SNRNP25: variants seen among roughly 807,000 people sequenced by gnomAD.
The protein encoded by SNRNP25 is small nuclear ribonucleoprotein U11/U12 subunit 25.
SNRNP25 carries 21 observed loss-of-function variants against 23.9 expected under a neutral mutation model. That is an observed-to-expected ratio of 0.88 (90% CI 0.62 to 1.27). SNRNP25 has a LOEUF of 1.27. Among genes scored for constraint, SNRNP25 ranks in the 50% most tolerant of loss-of-function variants. SNRNP25 has a pLI of 0.00. For missense variants in SNRNP25, 160 were observed against 156.9 expected (o/e 1.02, Z -0.11); for synonymous variants, 63 against 60.4 (o/e 1.04, Z -0.20).
At position 55,808 on chromosome 16, in the gene SNRNP25, G is replaced by A. The variant is rs562923889; in HGVS notation, c.165G>A (p.Leu55=). The part of the protein sequence containing the change: ...PVVVVQSATV[L]DLKKAIQRYV... ...TTGTAGTGCAGAGTGCCACAGTCCT[G>A]GACCTGAAGAAGGCCATCCAGAGAT... Residue 55 remains leucine, a synonymous_variant, in exon 3 of 5, where the codon CTG becomes CTA. Transcript: ENST00000293861. 17 of 1,614,192 alleles carry A rather than the reference G, an allele frequency of 1.1e-5. No homozygotes were observed. In the East Asian group the frequency reaches 3.1e-4, roughly 30 times the overall value.
In SNRNP25 at chr16:55,487, T is replaced by C. The variant is rs1024654436; in HGVS notation, c.71T>C (p.Ile24Thr). Residue 24 changes from isoleucine to threonine, a missense_variant, in exon 2 of 5, where the codon ATA becomes ACA. Physicochemically the swap from Ile to Thr is moderately conservative, Grantham distance 89 (BLOSUM62 -1). Coordinates refer to ENST00000293861, the MANE Select transcript of SNRNP25 (RefSeq NM_024571.4). Reference sequence around the variant, plus strand: ...ACTCTGGAAGAAGTCAACTCCCAAATAGCCCTAGAATACGGCCAGGCAATG... The same window carrying C: ...ACTCTGGAAGAAGTCAACTCCCAAACAGCCCTAGAATACGGCCAGGCAATG... ...QVTLEEVNSQ[I>T]ALEYGQAMTV... The C allele has an allele frequency of 1.2e-5, 20 of 1,614,208 alleles. No individual in the cohort carries two copies. The highest frequency in any genetic ancestry group is 1.7e-5 in the Admixed American group (1 of 60,018).
intron 3 of SNRNP25, 134 bp from the exon 4 acceptor site, chr16:56,405 G>C: frequency 1.2e-6 from 1 of 833,878 alleles, no homozygotes; most frequent in Non-Finnish European, 2.1e-6. Context: ...TCTGCACATT[G>C]TACAGAACAG....
intron 4 of SNRNP25, among the ~76,000 whole-genome samples, 195 bp from the exon 5 acceptor site, chr16:56,891 G>A (rs1271146182): frequency 6.6e-6 from 1 of 152,206 alleles, no homozygotes; most frequent in African/African-American, 2.4e-5. Flanking sequence ...CTGACACTCA[G>A]TTCCCTGCCC....
At chr16:55,312 G>A in intron 1 of SNRNP25, 147 bp from the exon 2 acceptor site, 1 of 669,722 alleles carries the variant, frequency 1.5e-6, no homozygotes, top group Non-Finnish European at 2.7e-6. Context: ...CTGATGAATT[G>A]GGAAACCATA....
In SNRNP25 at chr16:55,479, C is replaced by G. The variant is rs772321923; in HGVS notation, c.63C>G (p.Asn21Lys). Residue 21 changes from asparagine (N) to lysine (K), a missense_variant, in exon 2 of 5, where the codon AAC becomes AAG. Transcript: ENST00000293861. The part of the protein sequence containing the change: ...LPIQVTLEEV[N>K]SQIALEYGQA... Reference sequence around the variant, plus strand: ...TGTAGGTTACTCTGGAAGAAGTCAACTCCCAAATAGCCCTAGAATACGGCC... The same window carrying G: ...TGTAGGTTACTCTGGAAGAAGTCAAGTCCCAAATAGCCCTAGAATACGGCC... 7 of 1,614,168 alleles carry G rather than the reference C, an allele frequency of 4.3e-6. No homozygotes were observed. The highest frequency in any genetic ancestry group is 5.9e-6 in the Non-Finnish European group (7 of 1,180,024).
At chr16:56,153 G>A in intron 3 of SNRNP25, 1 of 621,800 alleles carries the variant, frequency 1.6e-6, no homozygotes, top group South Asian at 1.7e-5. Flanking sequence ...TTCACTTGGG[G>A]ACACTGTCGG....
intron 3 of SNRNP25, 123 bp downstream of exon 3, chr16:56,005 G>A: frequency 1.2e-6 from 1 of 861,368 alleles, no homozygotes. Flanking sequence ...CCACTGAAGT[G>A]ATGAGCTCCC....
At position 55,536 on chromosome 16, in the gene SNRNP25, T is replaced by G; in HGVS notation, c.120T>G (p.Asp40Glu). Residue 40 changes from aspartate (D) to glutamate (E), a missense_variant, in exon 2 of 5, where the codon GAT becomes GAG. Asp to Glu is a conservative substitution (Grantham distance 45). Coordinates refer to ENST00000293861, the MANE Select transcript of SNRNP25 (RefSeq NM_024571.4). Reference sequence around the variant, plus strand: ...TGACGGTCCGAGTGTGCAAGATGGATGGAGAAGTAATGCGTAAGTGCTACC... The same window carrying G: ...TGACGGTCCGAGTGTGCAAGATGGAGGGAGAAGTAATGCGTAAGTGCTACC... Reference protein sequence around the residue: ...QAMTVRVCKMDGEVMPVVVVQ... With the variant: ...QAMTVRVCKMEGEVMPVVVVQ... The G allele has an allele frequency of 6.2e-7, 1 of 1,614,140 alleles. No individual in the cohort carries two copies. Among genetic ancestry groups the G allele is most frequent in the Non-Finnish European group, 8.5e-7 (1 of 1,180,032 alleles).
chr16:55,932 C>CAAGAAGGGCACTAG, intron 3 of SNRNP25, 50 bp downstream of exon 3: 2 of 1,531,410 alleles, frequency 1.3e-6, no homozygotes, highest in Non-Finnish European at 1.8e-6. Context: ...GGGCTAGTGC[C>CAAGAAGGGCACTAG]CTTCTTGGCA....
intron 3 of SNRNP25, 198 bp from the exon 4 acceptor site, chr16:56,341 C>A (rs368527463): frequency 4.2e-6 from 3 of 718,726 alleles, no homozygotes; most frequent in African/African-American, 3.5e-5. Flanking sequence ...TTGGCCAAGC[C>A]GCCCCAGACA....
At chr16:55,651 C>T (rs1897397254) in intron 2 of SNRNP25, 102 bp downstream of exon 2, 3 of 1,544,498 alleles carry the variant, frequency 1.9e-6, no homozygotes, top group Non-Finnish European at 2.7e-6. Context: ...CAGGCCATGC[C>T]CAGGGGTACT....
chr16:54,163 C>A, intron 1 of SNRNP25, 105 bp downstream of exon 1: 1 of 1,272,078 alleles, frequency 7.9e-7, no homozygotes, highest in African/African-American at 1.5e-5. Context: ...CGGCCCAAGG[C>A]TGAGGAAGGC....
chr16:55,674 A>T, intron 2 of SNRNP25, 103 bp from the exon 3 acceptor site: 1 of 1,538,944 alleles, frequency 6.5e-7, no homozygotes, highest in Non-Finnish European at 8.9e-7. Context: ...GGCAACCACA[A>T]ACCTGCCCTG....
chr16:56,220 G>C, intron 3 of SNRNP25: 1 of 680,600 alleles, frequency 1.5e-6, no homozygotes, highest in South Asian at 1.5e-5. Context: ...CACCTGTAGG[G>C]GCTCCCATCC....
chr16:55,945 G>A, intron 3 of SNRNP25, 63 bp downstream of exon 3: 1 of 1,447,974 alleles, frequency 6.9e-7, no homozygotes, highest in Non-Finnish European at 9.5e-7. Flanking sequence ...TCTTGGCACT[G>A]TCACCAGGCA....
intron 1 of SNRNP25, 56 bp downstream of exon 1, chr16:54,114 C>G: frequency 6.5e-7 from 1 of 1,549,592 alleles, no homozygotes; most frequent in Non-Finnish European, 8.7e-7. Context: ...TCCGGGCATC[C>G]GGGCGCCGGC....
At chr16:54,089 A>G in intron 1 of SNRNP25, 31 bp downstream of exon 1, 1 of 1,582,162 alleles carries the variant, frequency 6.3e-7, no homozygotes, top group Non-Finnish European at 8.5e-7. Context: ...GGGGCGCGGG[A>G]GTCGTTCCCC....
At chr16:55,610 A>T in intron 2 of SNRNP25, 61 bp downstream of exon 2, 2 of 1,593,634 alleles carry the variant, frequency 1.3e-6, no homozygotes, top group Non-Finnish European at 1.7e-6. Flanking sequence ...AGGAAGACCT[A>T]ACAGTGCTGG....
Position 55,877 on chromosome 16 carries a change from C to A in SNRNP25, c.234C>A (p.Ile78=), listed in dbSNP as rs749750934. The A allele has an allele frequency of 4.3e-6, 7 of 1,613,768 alleles. No individual in the cohort carries two copies. Among genetic ancestry groups the A allele is most frequent in the Non-Finnish European group, 5.9e-6 (7 of 1,179,820 alleles). ...KQEREGGIQH[I]SWSYVWRTYH... The stretch of plus-strand genomic sequence containing the variant: ...AGCGTGAAGGGGGCATTCAGCACAT[C>A]AGCTGGTAAGTGGAACAACATTCCC... Residue 78 remains isoleucine (I), a synonymous_variant, in exon 3 of 5, where the codon ATC becomes ATA. Transcript: ENST00000293861.
Sources: gnomAD v4.1 joint callset for allele counts (sites outside exome capture counted in the v4.1 genomes callset) on GRCh38, gnomAD v4.1.1 for gene constraint, MANE v1.5 for transcripts, NCBI Gene and HGNC (gene_info 2026-07-23, HGNC 2026-07-21) for gene names.